USH1C: variants seen among roughly 807,000 people sequenced by gnomAD.
USH1C encodes the protein harmonin.
In USH1C, 90 loss-of-function variants were observed where a neutral mutation model predicts 119.3. The observed-to-expected ratio is 0.75, with a 90% CI of 0.64 to 0.90. USH1C has a LOEUF of 0.90. Ranked by LOEUF, USH1C falls within the 40% of genes least tolerant of loss-of-function variation. The pLI is 0.00. For synonymous variants in USH1C, 465 were observed against 443.3 expected (o/e 1.05, Z -0.62); for missense variants, 1,165 against 1,167.7 (o/e 1.00, Z 0.03).
Position 17,516,288 on chromosome 11 carries a change from A to ACAC in USH1C, c.1212_1213insGTG (p.Ser404_Phe405insVal). On this transcript the variant is annotated inframe_insertion and splice_region_variant, in exon 15 of 27. Coordinates refer to ENST00000005226, the MANE Select transcript of USH1C (RefSeq NM_153676.4). ...CCATCGTAACGATAAAACCATCCAA[A>ACAC]AGCTATAAGACACAGATAACAAAAT... is the stretch of plus-strand genomic sequence containing the variant. 6.2e-7 allele frequency: 1 copy of ACAC among 1,612,986 alleles called. No individual in the cohort carries two copies. The highest frequency in any genetic ancestry group is 8.5e-7 in the Non-Finnish European group (1 of 1,179,636).
At chr11:17,543,274 C>T (rs1442096525) in intron 1 of USH1C, among the ~76,000 whole-genome samples, 3 of 152,234 alleles carry the variant, frequency 2.0e-5, no homozygotes, top group African/African-American at 4.8e-5. Context: ...AGCTCTCAAA[C>T]CAGGAAGAGG....
At position 17,509,935 on chromosome 11, in the gene USH1C, G is replaced by T. The variant is rs950007409; in HGVS notation, c.1531-97C>A. ...TATGCTCTTCTAATCTGTTTCTCTT[G>T]CTACTGGAGACCCACCACCCTTACA... On this transcript the variant is annotated intron_variant, in intron 17 of 26. Coordinates refer to ENST00000005226, the MANE Select transcript of USH1C (RefSeq NM_153676.4). 13 of 1,417,802 alleles carry T rather than the reference G, an allele frequency of 9.2e-6. No individual in the cohort carries two copies. The African/African-American group carries it at 1.7e-4, about 18-fold the overall frequency. The allele number at this position is 1,417,802 out of a possible 1,614,324, so 87.8% of individuals were successfully genotyped here.
At chr11:17,544,218 A>G (rs1393245337) in intron 1 of USH1C, 54 bp downstream of exon 1, 6 of 1,612,122 alleles carry the variant, frequency 3.7e-6, no homozygotes, top group Non-Finnish European at 5.1e-6. Flanking sequence ...CCCCCTACCC[A>G]CCGCGCCCAG....
Position 17,521,332 on chromosome 11 carries a change from G to C in USH1C, c.1085+14C>G, listed in dbSNP as rs1472092552. The C allele has an allele frequency of 6.2e-7, 1 of 1,613,834 alleles. No homozygotes were observed. The highest frequency in any genetic ancestry group is 8.5e-7 in the Non-Finnish European group (1 of 1,179,810). On this transcript the variant is annotated intron_variant, in intron 13 of 26. Coordinates refer to ENST00000005226, the MANE Select transcript of USH1C (RefSeq NM_153676.4). ...ATGTTCATGCACAGACACGCGTGGA[G>C]CCGAGGTACTCACTGTTCCATCTCC...
chr11:17,530,694 T>G (rs904855246), intron 4 of USH1C, among the ~76,000 whole-genome samples: 1 of 152,206 alleles, frequency 6.6e-6, no homozygotes, highest in Admixed American at 6.5e-5. Context: ...GGTTAAGTCA[T>G]TCCACCAAGT....
chr11:17,542,054 A>C (rs1023724835), intron 1 of USH1C, among the ~76,000 whole-genome samples: 4 of 152,206 alleles, frequency 2.6e-5, no homozygotes, highest in African/African-American at 9.7e-5. Context: ...TAAGCTCCCC[A>C]CACACATGTA....
At chr11:17,498,344 G>T (rs1247469017) in intron 23 of USH1C, 73 bp from the exon 24 acceptor site, 11 of 1,381,590 alleles carry the variant, frequency 8.0e-6, no homozygotes, top group Middle Eastern at 1.8e-4. Flanking sequence ...TTGGCAAAGG[G>T]GGGTCATTGC....
At chr11:17,534,624 C>T (rs531100864) in intron 1 of USH1C, among the ~76,000 whole-genome samples, 1 of 152,292 alleles carries the variant, frequency 6.6e-6, no homozygotes, top group African/African-American at 2.4e-5. Flanking sequence ...CCTATAATCC[C>T]AGCACTTTGG....
chr11:17,497,123 C>T (rs980579669), intron 24 of USH1C, among the ~76,000 whole-genome samples: 9 of 151,916 alleles, frequency 5.9e-5, no homozygotes, highest in East Asian at 1.9e-4. Context: ...AGTGTAGGCT[C>T]GTAGACTTGG....
In USH1C at chr11:17,525,132, A is replaced by G. The variant is rs1255624592; in HGVS notation, c.675-597T>C. ...CCTAGATTGGTGGCAGAAGTCACTCATTGATCACAGCACTCTTTCCCACAA... is the reference window on the plus strand; with the variant it reads ...CCTAGATTGGTGGCAGAAGTCACTCGTTGATCACAGCACTCTTTCCCACAA... On this transcript the variant is annotated intron_variant, in intron 8 of 26. Coordinates refer to ENST00000005226, the MANE Select transcript of USH1C (RefSeq NM_153676.4). Among the ~76,000 whole-genome samples the G allele has an allele frequency of 2.6e-5, 4 of 152,326 alleles. No individual in the cohort carries two copies. The East Asian group carries it at 7.7e-4, about 29-fold the overall frequency.
At chr11:17,503,509 A>G (rs770708708) in intron 20 of USH1C, among the ~76,000 whole-genome samples, 37 of 152,300 alleles carry the variant, frequency 2.4e-4, no homozygotes, top group Non-Finnish European at 4.3e-4. Context: ...ATTCACGCCC[A>G]AGGTCACCCA....
In USH1C at chr11:17,517,665, T is replaced by C. The variant is rs10766408; in HGVS notation, c.1211-1375A>G. 0.61 allele frequency among the ~76,000 whole-genome samples: 92,996 copies of C among 152,030 alleles called. 28,530 individuals carry two copies. Among genetic ancestry groups the C allele is most frequent in the South Asian group, 0.75 (3,622 of 4,808 alleles). On this transcript the variant is annotated intron_variant, in intron 14 of 26. Coordinates refer to ENST00000005226, the MANE Select transcript of USH1C (RefSeq NM_153676.4). ...TTGCTCTGAGCTGGTGCATACAGTG[T>C]TTTCAACCTTGGCAGCTTTAGTTTT...
chr11:17,510,546 A>C, intron 16 of USH1C, 25 bp from the exon 17 acceptor site: 1 of 1,570,872 alleles, frequency 6.4e-7, no homozygotes, highest in Non-Finnish European at 8.8e-7. Context: ...CGGCGCAGAA[A>C]GGAGAGGACA....
In USH1C at chr11:17,502,129, G is replaced by A. The variant is rs947265318; in HGVS notation, c.2185-149C>T. On this transcript the variant is annotated intron_variant, in intron 20 of 26. Coordinates refer to ENST00000005226, the MANE Select transcript of USH1C (RefSeq NM_153676.4). Reference sequence around the variant, plus strand: ...ACGGCCAGGGTACGGGATGCAGACAGGAGGCCGGCAGCCCTAGCAGCCAGG... The same window carrying A: ...ACGGCCAGGGTACGGGATGCAGACAAGAGGCCGGCAGCCCTAGCAGCCAGG... 9.9e-6 allele frequency: 7 copies of A among 710,436 alleles called. No homozygotes were observed. In the African/African-American group the frequency reaches 1.3e-4, roughly 13 times the overall value. 44.0% of individuals were successfully genotyped at this position (710,436 alleles called of 1,614,324 possible).
intron 12 of USH1C, among the ~76,000 whole-genome samples, chr11:17,522,304 C>T (rs1442617431): frequency 6.6e-6 from 1 of 152,162 alleles, no homozygotes; most frequent in East Asian, 1.9e-4. Context: ...TGCCAGATTG[C>T]CTGGGGGTGA....
Position 17,522,867 on chromosome 11 carries a change from C to T in USH1C, c.936G>A (p.Leu312=), listed in dbSNP as rs1484293762. The change falls in exon 12 of 27, where the codon CTG becomes CTA. Residue 312 remains leucine (L), a synonymous_variant. Transcript: ENST00000005226. ...ERLAEARQRE[L]QRQELLMQKR... ...TCTGCATGAGAAGCTCCTGCCGCTG[C>T]AGCTCACGCTGCCGCGCCTCTGCCA... The T allele has an allele frequency of 1.2e-6, 2 of 1,612,428 alleles. No individual in the cohort carries two copies. Among genetic ancestry groups the T allele is most frequent in the African/African-American group, 1.3e-5 (1 of 74,912 alleles).
At position 17,494,319 on chromosome 11, in the gene USH1C, A is replaced by C; in HGVS notation, c.*13T>G. ...CTTTGTGTTCACGAGGTGGGGCCGG[A>C]GCTCACTGTTTCCTAACGGTGAATT... On this transcript the variant is annotated 3_prime_UTR_variant, in exon 27 of 27. Transcript: ENST00000005226. 6.2e-7 allele frequency: 1 copy of C among 1,607,496 alleles called. No homozygotes were observed. The highest frequency in any genetic ancestry group is 8.5e-7 in the Non-Finnish European group (1 of 1,176,868).
chr11:17,538,739 C>T (rs1309382463), intron 1 of USH1C, among the ~76,000 whole-genome samples: 1 of 152,088 alleles, frequency 6.6e-6, no homozygotes, highest in African/African-American at 2.4e-5. Flanking sequence ...GTTCAGCCAT[C>T]GGGAGGCACA....
chr11:17,501,008 A>T, intron 23 of USH1C, 43 bp downstream of exon 23: 1 of 1,562,930 alleles, frequency 6.4e-7, no homozygotes, highest in East Asian at 2.3e-5. Context: ...CCGTCTAACC[A>T]CTGTATCATC....
Sources: gnomAD v4.1 joint callset for allele counts (sites outside exome capture counted in the v4.1 genomes callset) on GRCh38, gnomAD v4.1.1 for gene constraint, MANE v1.5 for transcripts, NCBI Gene and HGNC (gene_info 2026-07-23, HGNC 2026-07-21) for gene names.